EIF1AX: variants seen among roughly 807,000 people sequenced by gnomAD.
EIF1AX encodes eukaryotic translation initiation factor 1A X-linked, also known as eukaryotic translation initiation factor 1A, X-chromosomal.
In EIF1AX, 1 loss-of-function variant was observed where a neutral mutation model predicts 16.1. That is an observed-to-expected ratio of 0.06 (90% CI 0.02 to 0.30). The LOEUF is 0.30. Ranked by LOEUF, EIF1AX falls within the 10% of genes least tolerant of loss-of-function variation. EIF1AX has a pLI of 1.00. For missense variants in EIF1AX, 11 were observed against 109.1 expected, an observed-to-expected ratio of 0.10 and a Z score of 4.00; for synonymous variants, 32 against 37.3, an observed-to-expected ratio of 0.86 and a Z score of 0.51.
intron 2 of EIF1AX, chrX:20,136,329 A>G (rs2067016809): frequency 2.8e-6 from 1 of 358,139 alleles, no homozygotes; most frequent in Non-Finnish European, 5.4e-6. Flanking sequence ...GAGATCATGC[A>G]TCAGGTAGAC....
chrX:20,130,122 T>G (rs777136280), intron 6 of EIF1AX, among the ~76,000 whole-genome samples: 7 of 108,970 alleles, frequency 6.4e-5, no homozygotes, highest in African/African-American at 2.3e-4. Flanking sequence ...GCCAACGTGG[T>G]GAAACCTCGT....
intron 3 of EIF1AX, among the ~76,000 whole-genome samples, chrX:20,134,593 C>T (rs868609743): frequency 8.6e-4 from 94 of 109,452 alleles, no homozygotes; most frequent in African/African-American, 2.8e-3. Flanking sequence ...CAAAAATTAG[C>T]GAGGCGTGGT....
Position 20,137,327 on chromosome X carries a change from T to A in EIF1AX, c.100+1212A>T, listed in dbSNP as rs753993368. On this transcript the variant is annotated intron_variant, in intron 2 of 6. Coordinates refer to ENST00000379607, the MANE Select transcript of EIF1AX (RefSeq NM_001412.4). ...CAGGCATGGTGGCGGGTGCCTGTAG[T>A]CCCAGCTACTTGGGAGGCTGAGGCA... Among the ~76,000 whole-genome samples, 8 of 110,965 alleles carry A rather than the reference T, an allele frequency of 7.2e-5. No individual in the cohort carries two copies. In the South Asian group the frequency reaches 3.1e-3, roughly 43 times the overall value.
rs1231473739 is a variant in EIF1AX at position 20,140,852 on chromosome X, GT to G, written c.16+772del. ...TAGGAGTGTTCTGTTTTTTGTTTTTGTTTTTTTTTTTTTAAGATTAGGCCTT... is the reference window on the plus strand; with the variant it reads ...TAGGAGTGTTCTGTTTTTTGTTTTTGTTTTTTTTTTTTAAGATTAGGCCTT... On this transcript the variant is annotated intron_variant, in intron 1 of 6. Transcript: ENST00000379607. 2.6e-3 allele frequency among the ~76,000 whole-genome samples: 254 copies of G among 98,107 alleles called. 1 individual carries two copies. The highest frequency in any genetic ancestry group is 2.6e-3 in the Non-Finnish European group (125 of 47,923). The allele number at this position is 98,107 out of a possible 115,157, so 85.2% of individuals were successfully genotyped here. A position where few individuals can be genotyped will look rare whatever the true frequency, so the allele number is the denominator to read the frequency against.
At chrX:20,132,350 C>A (rs921848764) in intron 4 of EIF1AX, 87 bp from the exon 5 acceptor site, 1 of 576,396 alleles carries the variant, frequency 1.7e-6, no homozygotes, top group Non-Finnish European at 2.7e-6. Context: ...AATAAACAAT[C>A]AAATCTCACC....
chrX:20,132,485 T>C (rs1374861690), intron 4 of EIF1AX, among the ~76,000 whole-genome samples: 1 of 111,529 alleles, frequency 9.0e-6, no homozygotes, highest in Non-Finnish European at 1.9e-5. Context: ...GCTTGGGAAA[T>C]ATAGAGATCT....
chrX:20,140,242 G>A (rs2067029960), intron 1 of EIF1AX: 2 of 112,026 alleles, frequency 1.8e-5, no homozygotes, highest in Admixed American at 1.9e-4. Flanking sequence ...GGAGGTAGGT[G>A]ACTTAAACCA....
At chrX:20,133,120 G>A (rs956860553) in intron 4 of EIF1AX, among the ~76,000 whole-genome samples, 3 of 111,828 alleles carry the variant, frequency 2.7e-5, no homozygotes, top group Admixed American at 1.9e-4. Context: ...CAAATCAGAA[G>A]TTGGTCCTGG....
At chrX:20,136,058 C>T in intron 2 of EIF1AX, 1 of 360,567 alleles carries the variant, frequency 2.8e-6, no homozygotes, top group Non-Finnish European at 5.0e-6. Flanking sequence ...TTCTTTCTTT[C>T]TTTTTTCTGA....
intron 2 of EIF1AX, among the ~76,000 whole-genome samples, chrX:20,137,501 T>A: frequency 9.0e-6 from 1 of 111,141 alleles, no homozygotes; most frequent in Non-Finnish European, 1.9e-5. Context: ...TGTGTACAGA[T>A]GAAGGATTTA....
intron 5 of EIF1AX, among the ~76,000 whole-genome samples, chrX:20,131,625 AAAAC>A (rs1264594824): frequency 9.1e-6 from 1 of 110,186 alleles, no homozygotes; most frequent in African/African-American, 3.3e-5. Context: ...ACTCCATTTC[AAAAC>A]AAACAAACAA....
Position 20,133,994 on chromosome X carries a change from G to A in EIF1AX, c.218C>T (p.Thr73Ile). ...GAGACCAACCAAAATAATGTCCGAG[G>A]TATTTATCCAAACCTACAAAAGAAA... ...GKLRKKVWIN[T>I]SDIILVGLRD... Residue 73 changes from threonine to isoleucine, a missense_variant, in exon 4 of 7, where the codon ACC (threonine) becomes ATC (isoleucine). Transcript: ENST00000379607. 1 of 1,200,946 alleles carries A rather than the reference G, an allele frequency of 8.3e-7. No individual in the cohort carries two copies. The highest frequency in any genetic ancestry group is 1.1e-6 in the Non-Finnish European group (1 of 890,588).
intron 5 of EIF1AX, 135 bp from the exon 6 acceptor site, chrX:20,130,742 C>CAG: frequency 7.0e-6 from 4 of 570,010 alleles, no homozygotes; most frequent in African/African-American, 2.4e-5. Context: ...AGTGTCACTG[C>CAG]TAAGTCAAGA....
At chrX:20,134,079 A>C in intron 3 of EIF1AX, 72 bp from the exon 4 acceptor site, 2 of 1,056,980 alleles carry the variant, frequency 1.9e-6, no homozygotes, top group Non-Finnish European at 1.3e-6. Context: ...GTAACAATCA[A>C]TTAGTTTAGA....
intron 1 of EIF1AX, 105 bp from the exon 2 acceptor site, chrX:20,138,727 C>A (rs1238240061): frequency 7.4e-6 from 4 of 542,003 alleles, no homozygotes; most frequent in Non-Finnish European, 8.8e-6. Context: ...TTTAAAAGAT[C>A]ACTTAAATTA....
intron 4 of EIF1AX, among the ~76,000 whole-genome samples, chrX:20,132,606 G>T (rs745754386): frequency 2.4e-4 from 27 of 111,873 alleles, no homozygotes; most frequent in Non-Finnish European, 3.4e-4. Flanking sequence ...ATAATTTGCA[G>T]GGTGATCAAA....
At chrX:20,140,568 G>A (rs2067030875) in intron 1 of EIF1AX, 1 of 112,137 alleles carries the variant, frequency 8.9e-6, no homozygotes, top group Non-Finnish European at 1.9e-5. Flanking sequence ...AAAGTAATAA[G>A]TGACAGCTAC....
At chrX:20,135,915 A>T in intron 2 of EIF1AX, 74 bp from the exon 3 acceptor site, 1 of 730,884 alleles carries the variant, frequency 1.4e-6, no homozygotes, top group Non-Finnish European at 2.2e-6. Context: ...TCCACATAAA[A>T]CTGTCAAGAG....
intron 4 of EIF1AX, among the ~76,000 whole-genome samples, chrX:20,133,551 C>T (rs1477736971): frequency 9.2e-6 from 1 of 108,200 alleles, no homozygotes; most frequent in African/African-American, 3.4e-5. Context: ...CGAGGCTATA[C>T]AAATAGAGAT....
Sources: gnomAD v4.1 joint callset for allele counts (sites outside exome capture counted in the v4.1 genomes callset) on GRCh38, gnomAD v4.1.1 for gene constraint, MANE v1.5 for transcripts, NCBI Gene and HGNC (gene_info 2026-07-23, HGNC 2026-07-21) for gene names.